The following FUS variants were observed in gnomAD, a reference collection of about 807,000 sequenced individuals.
FUS encodes the protein FUS RNA binding protein, also known as RNA-binding protein FUS.
In FUS, 5 loss-of-function variants were observed where a neutral mutation model predicts 82.7. That is an observed-to-expected ratio of 0.06 (90% CI 0.03 to 0.13). FUS has a LOEUF of 0.13. Ranked by LOEUF, FUS falls within the 10% of genes least tolerant of loss-of-function variation. The pLI, the probability that FUS is intolerant of heterozygous loss-of-function variation, is 1.00. For synonymous variants in FUS, 281 were observed against 247.4 expected (o/e 1.14, Z -1.27); for missense variants, 512 against 707.8 (o/e 0.72, Z 3.14).
rs2079232003 is a variant in FUS, at chr16:31,184,505, A to C, written c.523+109A>C. On this transcript the variant is annotated intron_variant, in intron 5 of 14. Transcript: ENST00000254108. ...GTTGCTGAGGCTGGAGTGCAGTGGC[A>C]CAATCTCGGCTCACTGCAAGCTCCG... 2.7e-6 allele frequency: 3 copies of C among 1,093,240 alleles called. No homozygotes were observed. In the South Asian group the frequency reaches 4.1e-5, roughly 15 times the overall value. The allele number at this position is 1,093,240 out of a possible 1,614,324, so 67.7% of individuals were successfully genotyped here.
At chr16:31,192,979 G>T, downstream of FUS, 1 of 484,544 alleles carries the variant, frequency 2.1e-6, no homozygotes, top group Non-Finnish European at 4.1e-6. Flanking sequence ...TTTATTTTTT[G>T]AGATGGAGTT....
chr16:31,190,160 G>C lies in FUS; in HGVS notation c.1168+19G>C, dbSNP rs747234123. ...CGAGGAGGTGAGGAGCTACCTGCTA[G>C]TGGTGCAGAGGGGTAATGGGGAGAG... On this transcript the variant is annotated intron_variant, in intron 11 of 14. Coordinates refer to ENST00000254108, the MANE Select transcript of FUS (RefSeq NM_004960.4). 1.2e-6 allele frequency: 2 copies of C among 1,614,092 alleles called. No homozygotes were observed. Among genetic ancestry groups the C allele is most frequent in the South Asian group, 2.2e-5 (2 of 91,078 alleles).
At chr16:31,194,700 A>G (rs1420808282), downstream of FUS, 2 of 486,732 alleles carry the variant, frequency 4.1e-6, no homozygotes, top group South Asian at 1.5e-5. Flanking sequence ...TCAGGCTAAT[A>G]TATCCATCAC....
At chr16:31,188,628 C>T (rs550797956) in intron 8 of FUS, 3 of 564,976 alleles carry the variant, frequency 5.3e-6, no homozygotes, top group Middle Eastern at 4.7e-4. Flanking sequence ...GCTGATGCGT[C>T]TGGACCACAC....
At chr16:31,180,997 C>T (rs988567272) in intron 1 of FUS, among the ~76,000 whole-genome samples, 2 of 152,094 alleles carry the variant, frequency 1.3e-5, no homozygotes, top group African/African-American at 4.8e-5. Context: ...ACTGCAACGT[C>T]CACCTCCTGG....
downstream of FUS, chr16:31,193,757 C>G: frequency 1.9e-6 from 1 of 530,902 alleles, no homozygotes; most frequent in South Asian, 1.5e-5. Flanking sequence ...CTCAGCCTCC[C>G]AAGTAGCTGG....
chr16:31,181,223 C>A (rs1346232327), intron 1 of FUS, among the ~76,000 whole-genome samples: 1 of 152,162 alleles, frequency 6.6e-6, no homozygotes. Context: ...GTCTAAATTT[C>A]TTTTTTCTGA....
At chr16:31,192,192 T>G (rs1567480339), downstream of FUS, 1 of 527,922 alleles carries the variant, frequency 1.9e-6, no homozygotes, top group East Asian at 4.0e-5. Context: ...ACATCCTGCC[T>G]GTACTCAGAG....
chr16:31,188,893 A>G (rs1223226950), intron 8 of FUS: 15 of 568,632 alleles, frequency 2.6e-5, no homozygotes, highest in Non-Finnish European at 4.7e-5. Flanking sequence ...CCTGGTTTCC[A>G]TACTGTATAC....
rs756718090 is a variant in FUS at position 31,191,041 on chromosome 16, G to A, written c.1472G>A (p.Arg491His). Residue 491 changes from arginine to histidine, a missense_variant, in exon 14 of 15, where the codon CGT becomes CAT. By Grantham distance (29) the Arg-to-His change is conservative (BLOSUM62 0). This residue lies in a region of FUS where 96 missense variants were observed against 120.7 expected (regional missense o/e 0.80). Coordinates refer to ENST00000254108, the MANE Select transcript of FUS (RefSeq NM_004960.4). ...GGCTACCGGGGCCGCGGCGGGGACC[G>A]TGGAGGCTTCCGAGGGGGCCGGGGT... Reference protein sequence around the residue: ...RGGYRGRGGDRGGFRGGRGGG... With the variant: ...RGGYRGRGGDHGGFRGGRGGG... 4.3e-6 allele frequency: 7 copies of A among 1,613,818 alleles called. No individual in the cohort carries two copies. The highest frequency in any genetic ancestry group is 1.3e-5 in the African/African-American group (1 of 75,010).
At chr16:31,191,708 A>G (rs886051939), downstream of FUS, 4 of 675,488 alleles carry the variant, frequency 5.9e-6, no homozygotes, top group Non-Finnish European at 1.1e-5. Flanking sequence ...CAGGAACTGG[A>G]ATACAGTGTT....
At chr16:31,191,784 G>T (rs748974370), downstream of FUS, 1 of 590,290 alleles carries the variant, frequency 1.7e-6, no homozygotes, top group Non-Finnish European at 3.2e-6. Flanking sequence ...GGGAAAGTTG[G>T]TGTATAAATG....
rs935019367 is a variant in FUS, at chr16:31,184,159, T to C, written c.336-50T>C. ...GGACTCCACTAAAAGTGAAAGGAAA[T>C]TGGGGGCTATGCTGGGATTGTGATT... On this transcript the variant is annotated intron_variant, in intron 4 of 14. Transcript: ENST00000254108. The C allele has an allele frequency of 7.4e-6, 12 of 1,613,818 alleles. 1 individual carries two copies. Among genetic ancestry groups the C allele is most frequent in the East Asian group, 4.5e-5 (2 of 44,890 alleles).
At chr16:31,186,947 C>T (rs2079279440) in intron 7 of FUS, 111 bp downstream of exon 7, 13 of 1,058,622 alleles carry the variant, frequency 1.2e-5, no homozygotes, top group Non-Finnish European at 1.9e-5. Flanking sequence ...TTGAGGTGTC[C>T]AGAACCACCT....
downstream of FUS, chr16:31,192,135 T>C (rs1327215851): frequency 1.9e-6 from 1 of 530,608 alleles, no homozygotes; most frequent in South Asian, 1.5e-5. Flanking sequence ...GAACAGCGCT[T>C]GGGTAGATAC....
At position 31,184,170 on chromosome 16, in the gene FUS, G is replaced by A. The variant is rs1231424022; in HGVS notation, c.336-39G>A. ...AAAGTGAAAGGAAATTGGGGGCTAT[G>A]CTGGGATTGTGATTGTGTTTTTTGT... On this transcript the variant is annotated intron_variant, in intron 4 of 14. Transcript: ENST00000254108. The A allele has an allele frequency of 2.5e-6, 4 of 1,614,066 alleles. No individual in the cohort carries two copies. In the East Asian group the frequency reaches 8.9e-5, roughly 36 times the overall value.
intron 8 of FUS, 77 bp downstream of exon 8, chr16:31,188,434 A>T: frequency 6.7e-7 from 1 of 1,502,628 alleles, no homozygotes; most frequent in Non-Finnish European, 9.2e-7. Flanking sequence ...TGAAACTATT[A>T]TAAAAAGGAA....
chr16:31,182,388 TC>T lies in FUS; in HGVS notation c.14-9del, dbSNP rs761003015. The T allele has an allele frequency of 1.2e-6, 2 of 1,614,192 alleles. No individual in the cohort carries two copies. Among genetic ancestry groups the T allele is most frequent in the Non-Finnish European group, 1.7e-6 (2 of 1,180,004 alleles). On this transcript the variant is annotated splice_polypyrimidine_tract_variant and intron_variant, in intron 1 of 14. Transcript: ENST00000254108. ...GCTGAAGATAATGTGATTGTATTTT[TC>T]TTTTGCAGATTATACCCAACAAGCA...
intron 4 of FUS, 28 bp from the exon 5 acceptor site, chr16:31,184,181 G>A (rs1198989946): frequency 1.2e-6 from 2 of 1,614,172 alleles, no homozygotes; most frequent in Admixed American, 3.3e-5. Context: ...CTGGGATTGT[G>A]ATTGTGTTTT....
Sources: allele counts gnomAD v4.1 joint callset (sites outside exome capture counted in the v4.1 genomes callset), GRCh38; gene constraint gnomAD v4.1.1; regional missense constraint gnomAD v4.1.1; transcripts MANE v1.5; gene names NCBI Gene and HGNC (gene_info 2026-07-23, HGNC 2026-07-21).